Variants in PKP2 observed in about 807,000 individuals in gnomAD.
PKP2 encodes the protein plakophilin-2.
A neutral mutation model predicts 83.4 loss-of-function variants in PKP2; 73 were observed. The ratio of observed to expected loss-of-function variants is 0.88; its 90% CI spans 0.72 to 1.06. The LOEUF (loss-of-function observed/expected upper bound fraction) is 1.06, where lower values mean the gene tolerates loss of function less well. Among genes scored for constraint, PKP2 ranks in the 50% least tolerant of loss-of-function variants. The pLI is 0.00. For missense variants in PKP2, 966 were observed against 1,065.4 expected, an observed-to-expected ratio of 0.91 and a Z score of 1.30; for synonymous variants, 409 against 430.4, an observed-to-expected ratio of 0.95 and a Z score of 0.62.
At chr12:32,855,341 G>C (rs1956735591) in intron 4 of PKP2, among the ~76,000 whole-genome samples, 1 of 152,096 alleles carries the variant, frequency 6.6e-6, no homozygotes, top group Non-Finnish European at 1.5e-5. Flanking sequence ...AGTCAAATGG[G>C]AATTACTGTG....
chr12:32,858,477 A>T (rs1289005709), intron 4 of PKP2, among the ~76,000 whole-genome samples: 1 of 152,262 alleles, frequency 6.6e-6, no homozygotes, highest in East Asian at 1.9e-4. Flanking sequence ...CTTCCTACGG[A>T]ACAAATAGGC....
chr12:32,894,175 C>A (rs1957100938), intron 1 of PKP2: 1 of 152,196 alleles, frequency 6.6e-6, no homozygotes, highest in Non-Finnish European at 1.5e-5. Flanking sequence ...GATCCTCCCG[C>A]CTCGGCCTCC....
chr12:32,865,668 A>C (rs1956841637), intron 4 of PKP2, among the ~76,000 whole-genome samples: 1 of 135,252 alleles, frequency 7.4e-6, no homozygotes. Flanking sequence ...TCTGGAACAG[A>C]GTGACTCCGT....
chr12:32,858,674 A>G (rs1956775740), intron 4 of PKP2, among the ~76,000 whole-genome samples: 1 of 152,232 alleles, frequency 6.6e-6, no homozygotes, highest in South Asian at 2.1e-4. Flanking sequence ...TAAAAACAAC[A>G]ACAAAAATAA....
At chr12:32,852,658 C>T (rs190080075) in intron 4 of PKP2, among the ~76,000 whole-genome samples, 5 of 152,082 alleles carry the variant, frequency 3.3e-5, no homozygotes, top group Admixed American at 6.6e-5. Flanking sequence ...CTTCACTGGA[C>T]GTAATAAGGA....
intron 1 of PKP2, 42 bp downstream of exon 1, chr12:32,896,467 T>G: frequency 3.6e-6 from 5 of 1,398,244 alleles, no homozygotes; most frequent in Non-Finnish European, 4.7e-6. Flanking sequence ...TGACCGGGTG[T>G]GGGGCAGGGG....
intron 6 of PKP2, among the ~76,000 whole-genome samples, chr12:32,837,184 T>C (rs145187907): frequency 2.8e-4 from 42 of 152,336 alleles, no homozygotes; most frequent in Middle Eastern, 3.4e-3. Flanking sequence ...GTCTTGAGAC[T>C]ATGAAGGGCA....
At chr12:32,834,054 C>T (rs11609744) in intron 6 of PKP2, among the ~76,000 whole-genome samples, 8,313 of 152,176 alleles carry the variant, frequency 0.055, 276 homozygotes, top group Non-Finnish European at 0.081. Flanking sequence ...ATTTAAACAC[C>T]TACTCATCCT....
chr12:32,806,904 C>G (rs1956231053), intron 9 of PKP2, among the ~76,000 whole-genome samples: 1 of 152,106 alleles, frequency 6.6e-6, no homozygotes, highest in Non-Finnish European at 1.5e-5. Context: ...GGTACACTGT[C>G]TCTTTGTTCT....
chr12:32,883,477 C>T (rs938244445), intron 1 of PKP2, among the ~76,000 whole-genome samples: 6 of 152,116 alleles, frequency 3.9e-5, no homozygotes, highest in Admixed American at 3.9e-4. Flanking sequence ...AAGATGATAT[C>T]GTGATGACCG....
At chr12:32,870,530 C>G (rs1328539137) in intron 3 of PKP2, among the ~76,000 whole-genome samples, 2 of 151,848 alleles carry the variant, frequency 1.3e-5, no homozygotes, top group Non-Finnish European at 2.9e-5. Context: ...AAAAAAAATG[C>G]AGGCTATTAC....
intron 3 of PKP2, among the ~76,000 whole-genome samples, chr12:32,869,706 A>T (rs1956881430): frequency 6.6e-6 from 1 of 152,224 alleles, no homozygotes; most frequent in Non-Finnish European, 1.5e-5. Flanking sequence ...ATCCAAAAGA[A>T]ATCTGTTTAC....
intron 8 of PKP2, chr12:32,821,900 A>T: frequency 1.4e-5 from 4 of 291,570 alleles, no homozygotes; most frequent in Non-Finnish European, 2.0e-5. Context: ...GTCTTGTGAA[A>T]GTGTCCAGGA....
rs187192026 is a variant in PKP2, at chr12:32,799,639, T to G, written c.2167+2764A>C. Among the ~76,000 whole-genome samples the G allele has an allele frequency of 2.6e-5, 4 of 152,298 alleles. No homozygotes were observed. The East Asian group carries it at 7.7e-4, about 29-fold the overall frequency. On this transcript the variant is annotated intron_variant, in intron 10 of 12. Coordinates refer to ENST00000340811, the MANE Select transcript of PKP2 (RefSeq NM_001005242.3). The stretch of plus-strand genomic sequence containing the variant: ...AGACATAATGGCCTTTGCGGCAAAT[T>G]GGATGGAATTAGAGACCACTATTCT...
In PKP2 at chr12:32,896,756, G is replaced by C. The variant is rs765009350; in HGVS notation, c.-25C>G. 1.6e-6 allele frequency: 2 copies of C among 1,279,230 alleles called. No homozygotes were observed. The highest frequency in any genetic ancestry group is 1.0e-6 in the Non-Finnish European group (1 of 961,492). 79.2% of individuals were successfully genotyped at this position (1,279,230 alleles called of 1,614,324 possible). A position where few individuals can be genotyped will look rare whatever the true frequency, so the allele number is the denominator to read the frequency against. On this transcript the variant is annotated 5_prime_UTR_variant, in exon 1 of 13. Transcript: ENST00000340811. Reference sequence around the variant, plus strand: ...TGGGGCCGGTGGGGGCGACCGAGCTGCTCGCCTGCCTCTGGACTCGCGGGC... The same window carrying C: ...TGGGGCCGGTGGGGGCGACCGAGCTCCTCGCCTGCCTCTGGACTCGCGGGC...
intron 9 of PKP2, among the ~76,000 whole-genome samples, chr12:32,814,931 A>T (rs186938676): frequency 6.6e-6 from 1 of 152,196 alleles, no homozygotes; most frequent in Non-Finnish European, 1.5e-5. Context: ...TCTTAAAAAA[A>T]AAAAAATTCC....
At chr12:32,853,395 A>G (rs1262571215) in intron 4 of PKP2, among the ~76,000 whole-genome samples, 1 of 79,494 alleles carries the variant, frequency 1.3e-5, no homozygotes, top group Non-Finnish European at 2.4e-5. Flanking sequence ...TCCTTAAACG[A>G]AAAAAAAAAA....
intron 11 of PKP2, 81 bp downstream of exon 11, chr12:32,796,028 G>A: frequency 4.2e-6 from 5 of 1,197,478 alleles, no homozygotes; most frequent in Non-Finnish European, 4.9e-6. Context: ...GGTCATGACC[G>A]CACATTCACA....
chr12:32,870,475 A>ATC (rs1324672844), intron 3 of PKP2, among the ~76,000 whole-genome samples: 4 of 152,108 alleles, frequency 2.6e-5, no homozygotes, highest in African/African-American at 9.7e-5. Context: ...TTATATAATG[A>ATC]TCTCATATTT....
Sources: gnomAD v4.1 joint callset for allele counts (sites outside exome capture counted in the v4.1 genomes callset) on GRCh38, gnomAD v4.1.1 for gene constraint, MANE v1.5 for transcripts, NCBI Gene and HGNC (gene_info 2026-07-23, HGNC 2026-07-21) for gene names.